The following GNA12 variants were observed in gnomAD, a reference collection of about 807,000 sequenced individuals.
GNA12 encodes guanine nucleotide-binding protein subunit alpha-12.
GNA12 carries 9 observed loss-of-function variants against 26.0 expected under a neutral mutation model. That is an observed-to-expected ratio of 0.35 (90% CI 0.21 to 0.60). GNA12 has a LOEUF of 0.60. Among genes scored for constraint, GNA12 ranks in the 20% least tolerant of loss-of-function variants. The pLI is 0.78. For synonymous variants in GNA12, 264 were observed against 219.6 expected (o/e 1.20, Z -1.79); for missense variants, 405 against 525.8 (o/e 0.77, Z 2.25).
intron 2 of GNA12, among the ~76,000 whole-genome samples, chr7:2,783,684 T>C (rs1456267610): frequency 4.0e-5 from 5 of 124,528 alleles, no homozygotes; most frequent in African/African-American, 1.6e-4. Flanking sequence ...ATTTATTTAT[T>C]TATTTATTTA....
intron 1 of GNA12, chr7:2,835,649 CAGA>C: frequency 2.2e-6 from 2 of 897,888 alleles, no homozygotes; most frequent in Non-Finnish European, 1.8e-6. Flanking sequence ...AAGACGGCTG[CAGA>C]AGATGTCAAT....
At chr7:2,754,733 AGT>A (rs1463666940) in intron 2 of GNA12, among the ~76,000 whole-genome samples, 1 of 152,170 alleles carries the variant, frequency 6.6e-6, no homozygotes, top group Non-Finnish European at 1.5e-5. Flanking sequence ...CGAGCAACAG[AGT>A]GAGACCCTGC....
intron 1 of GNA12, chr7:2,815,207 C>G (rs868628819): frequency 5.1e-6 from 2 of 393,814 alleles, no homozygotes; most frequent in African/African-American, 4.2e-5. Flanking sequence ...TGTGAGTGTG[C>G]TCTCAAGGAG....
chr7:2,765,615 GT>G lies in GNA12; in HGVS notation c.525+29312del, dbSNP rs555000709. Among the ~76,000 whole-genome samples the G allele has an allele frequency of 5.7e-3, 832 of 145,920 alleles. 7 individuals are homozygous for G. Among genetic ancestry groups the G allele is most frequent in the African/African-American group, 0.019 (747 of 40,008 alleles). ...GTAGGGAGTTCTGTATCCTGTGTTTGTTTTTTTTTTTCTTCTTTTTATTTTT... is the reference window on the plus strand; with the variant it reads ...GTAGGGAGTTCTGTATCCTGTGTTTGTTTTTTTTTTCTTCTTTTTATTTTT... On this transcript the variant is annotated intron_variant, in intron 2 of 3. Coordinates refer to ENST00000275364, the MANE Select transcript of GNA12 (RefSeq NM_007353.3).
intron 1 of GNA12, among the ~76,000 whole-genome samples, chr7:2,796,028 C>G (rs747771634): frequency 6.6e-6 from 1 of 151,942 alleles, no homozygotes; most frequent in African/African-American, 2.4e-5. Context: ...CCACGGACTG[C>G]TAATTTTTGT....
chr7:2,741,132 TA>T lies in GNA12; in HGVS notation c.526-7632del, dbSNP rs1197539259. Among the ~76,000 whole-genome samples the T allele has an allele frequency of 2.0e-4, 31 of 152,160 alleles. 1 individual carries two copies. The highest frequency in any genetic ancestry group is 9.2e-4 in the Admixed American group (14 of 15,290). On this transcript the variant is annotated intron_variant, in intron 2 of 3. Coordinates refer to ENST00000275364, the MANE Select transcript of GNA12 (RefSeq NM_007353.3). Reference sequence around the variant, plus strand: ...TTCATTTGTATCACAGGGATCATCATAGAAAAATGAGCTAGAAAGAAATTTT... The same window carrying T: ...TTCATTTGTATCACAGGGATCATCATGAAAAATGAGCTAGAAAGAAATTTT...
At chr7:2,831,934 G>A (rs975590455) in intron 1 of GNA12, among the ~76,000 whole-genome samples, 1 of 152,182 alleles carries the variant, frequency 6.6e-6, no homozygotes, top group Non-Finnish European at 1.5e-5. Flanking sequence ...CTTATCACAA[G>A]GGTTTTGCCT....
chr7:2,837,749 A>C (rs929496818), intron 1 of GNA12, among the ~76,000 whole-genome samples: 7 of 152,192 alleles, frequency 4.6e-5, no homozygotes, highest in African/African-American at 1.7e-4. Flanking sequence ...CTGATCGTTA[A>C]AGAATGGCTA....
chr7:2,815,692 G>GGTGCTCCCCGGAGCC (rs1562442987), intron 1 of GNA12, among the ~76,000 whole-genome samples: 4 of 151,878 alleles, frequency 2.6e-5, no homozygotes, highest in Admixed American at 6.6e-5. Context: ...CTGACCCAGC[G>GGTGCTCCCCGGAGCC]TGGTGCTCCC....
chr7:2,774,825 A>AT (rs1792038091), intron 2 of GNA12, among the ~76,000 whole-genome samples: 1 of 152,116 alleles, frequency 6.6e-6, no homozygotes, highest in Admixed American at 6.5e-5. Flanking sequence ...ACTGTCACAT[A>AT]TTTACGCAGC....
At chr7:2,843,413 G>C (rs1324899076) in intron 1 of GNA12, among the ~76,000 whole-genome samples, 1 of 151,734 alleles carries the variant, frequency 6.6e-6, no homozygotes, top group African/African-American at 2.4e-5. Context: ...GGGAGACCAA[G>C]GCAGGAGGAT....
intron 1 of GNA12, among the ~76,000 whole-genome samples, chr7:2,811,965 G>A (rs1030993501): frequency 3.3e-5 from 5 of 152,152 alleles, no homozygotes; most frequent in African/African-American, 1.2e-4. Context: ...ACAGAGCAGC[G>A]CTTATTTGTT....
At chr7:2,837,149 G>C (rs1778860766) in intron 1 of GNA12, among the ~76,000 whole-genome samples, 1 of 151,932 alleles carries the variant, frequency 6.6e-6, no homozygotes, top group African/African-American at 2.4e-5. Flanking sequence ...TCCCTCACCA[G>C]GGTGGTGTCA....
chr7:2,823,614 G>A (rs1040425201), intron 1 of GNA12, among the ~76,000 whole-genome samples: 5 of 152,154 alleles, frequency 3.3e-5, no homozygotes. Flanking sequence ...CTTAGGAAGT[G>A]TCTGTTACAA....
At chr7:2,815,040 A>G (rs1213857635) in intron 1 of GNA12, 1 of 1,492,654 alleles carries the variant, frequency 6.7e-7, no homozygotes, top group African/African-American at 1.4e-5. Context: ...CCCCTGTCAA[A>G]GCCACCAAGC....
intron 1 of GNA12, among the ~76,000 whole-genome samples, chr7:2,823,422 G>A (rs964635370): frequency 6.6e-6 from 1 of 152,176 alleles, no homozygotes; most frequent in Admixed American, 6.5e-5. Flanking sequence ...GGAGTGCTTG[G>A]GGAAGGTAAC....
chr7:2,799,670 GA>G lies in GNA12; in HGVS notation c.310-4528del, dbSNP rs891165214. The stretch of plus-strand genomic sequence containing the variant: ...AGCAGGTCACAGAATGAAATGAAGA[GA>G]AAAAAAAAATTTTTTAAAGAAAATG... On this transcript the variant is annotated intron_variant, in intron 1 of 3. Transcript: ENST00000275364. Among the ~76,000 whole-genome samples, 162 of 149,980 alleles carry G rather than the reference GA, an allele frequency of 1.1e-3. 3 individuals carry two copies. The East Asian group carries it at 0.025, about 23-fold the overall frequency.
chr7:2,736,940 G>A (rs79410865), intron 2 of GNA12, among the ~76,000 whole-genome samples: 2,539 of 152,284 alleles, frequency 0.017, 72 homozygotes, highest in African/African-American at 0.057. Flanking sequence ...CCAGACCCTC[G>A]AGATCAGTAC....
chr7:2,766,898 G>C (rs1791820186), intron 2 of GNA12, among the ~76,000 whole-genome samples: 1 of 152,094 alleles, frequency 6.6e-6, no homozygotes, highest in African/African-American at 2.4e-5. Flanking sequence ...ACCAACACTT[G>C]TTATTTTGTT....
Sources: gnomAD v4.1 joint callset for allele counts (sites outside exome capture counted in the v4.1 genomes callset) on GRCh38, gnomAD v4.1.1 for gene constraint, MANE v1.5 for transcripts, NCBI Gene and HGNC (gene_info 2026-07-23, HGNC 2026-07-21) for gene names.